The following GLIS3 variants were observed in gnomAD, a reference collection of about 807,000 sequenced individuals.
The protein encoded by GLIS3 is GLIS family zinc finger 3.
GLIS3 carries 53 observed loss-of-function variants against 78.6 expected under a neutral mutation model. That is an observed-to-expected ratio of 0.67 (90% CI 0.54 to 0.85). The LOEUF (loss-of-function observed/expected upper bound fraction) is 0.85. Ranked by LOEUF, GLIS3 falls within the 40% of genes least tolerant of loss-of-function variation. The probability of loss-of-function intolerance (pLI) is 0.00; values close to 1 mark genes in which losing one functional copy is unlikely to be tolerated. For missense variants in GLIS3, 1,703 were observed against 1,231.1 expected (o/e 1.38, Z -5.74); for synonymous variants, 684 against 509.9 (o/e 1.34, Z -4.60).
intron 2 of GLIS3, among the ~76,000 whole-genome samples, chr9:4,247,434 A>C (rs1013329812): frequency 6.6e-6 from 1 of 152,232 alleles, no homozygotes; most frequent in African/African-American, 2.4e-5. Context: ...AAATAATTAT[A>C]AGAATAGATC....
At chr9:3,971,421 C>G (rs1246888470) in intron 4 of GLIS3, among the ~76,000 whole-genome samples, 3 of 152,138 alleles carry the variant, frequency 2.0e-5, no homozygotes, top group Admixed American at 1.3e-4. Flanking sequence ...ATGCAGTCAT[C>G]CCTTATACCT....
At chr9:4,019,178 A>T (rs1003365194) in intron 4 of GLIS3, among the ~76,000 whole-genome samples, 1 of 152,208 alleles carries the variant, frequency 6.6e-6, no homozygotes, top group Non-Finnish European at 1.5e-5. Flanking sequence ...TTAAAGCTTG[A>T]TAACAAAAGA....
At chr9:4,390,829 T>C in the GLIS3 span, among the ~76,000 whole-genome samples, 1 of 152,170 alleles carries the variant, frequency 6.6e-6, no homozygotes, top group Non-Finnish European at 1.5e-5. Flanking sequence ...TTTAGATCAC[T>C]GTCTTTCTGA....
chr9:3,849,001 C>T (rs894789917), intron 9 of GLIS3, among the ~76,000 whole-genome samples: 1 of 152,214 alleles, frequency 6.6e-6, no homozygotes, highest in Non-Finnish European at 1.5e-5. Flanking sequence ...AGGGCGCCCC[C>T]TTCCCACTGC....
At chr9:4,121,393 G>A (rs1564082077) in intron 3 of GLIS3, among the ~76,000 whole-genome samples, 1 of 152,108 alleles carries the variant, frequency 6.6e-6, no homozygotes, top group Non-Finnish European at 1.5e-5. Flanking sequence ...TATCTTCCCA[G>A]TGCCTGCCAG....
chr9:4,405,384 G>T, the GLIS3 span, among the ~76,000 whole-genome samples: 1 of 150,660 alleles, frequency 6.6e-6, no homozygotes, highest in Admixed American at 6.6e-5. Flanking sequence ...AAAGAAAAAA[G>T]AAAAAAGAAA....
chr9:4,378,347 T>C, the GLIS3 span, among the ~76,000 whole-genome samples: 831 of 152,308 alleles, frequency 5.5e-3, 6 homozygotes, highest in African/African-American at 0.019. Flanking sequence ...ATTCAATGTT[T>C]ATCAGAAATA....
intron 8 of GLIS3, among the ~76,000 whole-genome samples, chr9:3,857,569 T>A (rs953969865): frequency 1.4e-4 from 22 of 152,290 alleles, no homozygotes; most frequent in African/African-American, 5.3e-4. Flanking sequence ...ACCAAGAAAG[T>A]AGGAGTAGGA....
intron 6 of GLIS3, among the ~76,000 whole-genome samples, chr9:3,902,011 C>A (rs754810790): frequency 2.6e-5 from 4 of 152,152 alleles, no homozygotes; most frequent in Admixed American, 1.3e-4. Flanking sequence ...ACCAACTACT[C>A]TAGGGTTTTA....
At chr9:4,087,280 A>T (rs72687942) in intron 4 of GLIS3, among the ~76,000 whole-genome samples, 43 of 152,300 alleles carry the variant, frequency 2.8e-4, no homozygotes, top group Non-Finnish European at 5.9e-4. Context: ...CCATGGATAA[A>T]CATTTATTAT....
intron 4 of GLIS3, among the ~76,000 whole-genome samples, chr9:4,053,388 T>G (rs2025810): frequency 2.0e-5 from 3 of 151,894 alleles, no homozygotes; most frequent in Non-Finnish European, 4.4e-5. Context: ...GTTGCAAAGC[T>G]CCTCCTCCCA....
chr9:4,232,216 G>A (rs1462215927), intron 2 of GLIS3, among the ~76,000 whole-genome samples: 2 of 151,694 alleles, frequency 1.3e-5, no homozygotes, highest in Non-Finnish European at 2.9e-5. Context: ...TGTCTCTACA[G>A]AAAAATTTAA....
chr9:3,863,282 C>T (rs1231171994), intron 8 of GLIS3, among the ~76,000 whole-genome samples: 1 of 152,202 alleles, frequency 6.6e-6, no homozygotes, highest in African/African-American at 2.4e-5. Context: ...CACTTGGACT[C>T]AGTTCAATCC....
intron 2 of GLIS3, among the ~76,000 whole-genome samples, chr9:4,321,089 T>C (rs35978578): frequency 0.16 from 24,342 of 150,548 alleles, 1,943 homozygotes; most frequent in East Asian, 0.22. Flanking sequence ...TCCTGCTAAT[T>C]TTTAAGTCCC....
intron 5 of GLIS3, among the ~76,000 whole-genome samples, chr9:3,935,431 T>A (rs976480568): frequency 6.6e-6 from 1 of 152,198 alleles, no homozygotes; most frequent in East Asian, 1.9e-4. Context: ...AAAAGTTTTT[T>A]AAAAAGATAT....
intron 2 of GLIS3, among the ~76,000 whole-genome samples, chr9:4,319,684 C>A (rs1817493284): frequency 6.6e-6 from 1 of 152,066 alleles, no homozygotes; most frequent in Non-Finnish European, 1.5e-5. Context: ...TGTTTGCCAC[C>A]ACGCCTGGCT....
chr9:4,065,702 T>C (rs759493521), intron 4 of GLIS3, among the ~76,000 whole-genome samples: 12 of 152,144 alleles, frequency 7.9e-5, no homozygotes, highest in Non-Finnish European at 1.6e-4. Flanking sequence ...TTAACTAAAC[T>C]GACAAGCATA....
At chr9:4,432,873 C>T in the GLIS3 span, among the ~76,000 whole-genome samples, 1 of 151,906 alleles carries the variant, frequency 6.6e-6, no homozygotes, top group East Asian at 1.9e-4. Flanking sequence ...ACTCCTAACT[C>T]CAGGTGAGCC....
intron 2 of GLIS3, among the ~76,000 whole-genome samples, chr9:4,236,639 C>T (rs549013695): frequency 1.3e-5 from 2 of 152,260 alleles, no homozygotes; most frequent in African/African-American, 4.8e-5. Flanking sequence ...ACATAATTCA[C>T]TTCAGGGTTA....
Sources: allele counts gnomAD v4.1 joint callset (sites outside exome capture counted in the v4.1 genomes callset), GRCh38; gene constraint gnomAD v4.1.1; transcripts MANE v1.5; gene names NCBI Gene and HGNC (gene_info 2026-07-23, HGNC 2026-07-21).